Variants in KITLG observed in about 807,000 individuals in gnomAD.
The protein encoded by KITLG is c-Kit ligand.
KITLG carries 13 observed loss-of-function variants against 34.1 expected under a neutral mutation model. That is an observed-to-expected ratio of 0.38 (90% CI 0.25 to 0.61). The LOEUF is 0.61. KITLG is among the 20% of genes least tolerant of loss of function. The pLI is 0.60. For synonymous variants in KITLG, 110 were observed against 104.0 expected, an observed-to-expected ratio of 1.06 and a Z score of -0.35; for missense variants, 292 against 318.9, an observed-to-expected ratio of 0.92 and a Z score of 0.64.
chr12:88,569,834 G>C (rs544575597), intron 1 of KITLG, among the ~76,000 whole-genome samples: 1 of 152,228 alleles, frequency 6.6e-6, no homozygotes, highest in African/African-American at 2.4e-5. Context: ...CTGCTGATAA[G>C]GTTGTGCTGA....
intron 2 of KITLG, among the ~76,000 whole-genome samples, chr12:88,536,175 A>C (rs566810744): frequency 6.6e-6 from 1 of 152,302 alleles, no homozygotes; most frequent in African/African-American, 2.4e-5. Context: ...TAATATCCAG[A>C]ATCTATAAGG....
intron 6 of KITLG, among the ~76,000 whole-genome samples, chr12:88,510,406 T>C (rs1020985175): frequency 1.3e-5 from 2 of 152,192 alleles, no homozygotes; most frequent in Admixed American, 1.3e-4. Context: ...AGCACATGTG[T>C]ACTAACTCAC....
chr12:88,515,563 G>C lies in KITLG; in HGVS notation c.575C>G (p.Ser192Cys), dbSNP rs773557347. ...PFMLPPVAAS[S>C]LRNDSSSSNR... ...ACTGCTACTGCTGTCATTCCTAAGGGAGCTGGCTGCAACAGGGGGTAACAT... is the reference window on the plus strand; with the variant it reads ...ACTGCTACTGCTGTCATTCCTAAGGCAGCTGGCTGCAACAGGGGGTAACAT... The change falls in exon 6 of 10, where the codon TCC becomes TGC. Residue 192 changes from serine (S) to cysteine (C), a missense_variant. By Grantham distance (112) the Ser-to-Cys change is moderately radical (BLOSUM62 -1). Around this residue, in one of 2 missense-constraint regions of KITLG, gnomAD observed 140 missense variants for 111.0 expected, o/e 1.26. Coordinates refer to ENST00000644744, the MANE Select transcript of KITLG (RefSeq NM_000899.5). The C allele has an allele frequency of 6.2e-7, 1 of 1,610,862 alleles. No homozygotes were observed. Among genetic ancestry groups the C allele is most frequent in the South Asian group, 1.1e-5 (1 of 91,030 alleles).
In KITLG at chr12:88,518,917, C is replaced by A. The variant is rs760456274; in HGVS notation, c.193-50G>T. 21 of 1,525,462 alleles carry A rather than the reference C, an allele frequency of 1.4e-5. No homozygotes were observed. The South Asian group carries it at 2.4e-4, about 17-fold the overall frequency. The allele number at this position is 1,525,462 out of a possible 1,614,324, so 94.5% of individuals were successfully genotyped here. ...AAACAGCTATTTTAATAAGTAAGTGCCATAAAACTCGGAGTACTCTTCAAA... is the reference window on the plus strand; with the variant it reads ...AAACAGCTATTTTAATAAGTAAGTGACATAAAACTCGGAGTACTCTTCAAA... On this transcript the variant is annotated intron_variant, in intron 3 of 9. Transcript: ENST00000644744.
chr12:88,576,611 T>C (rs1871833668), intron 1 of KITLG, among the ~76,000 whole-genome samples: 1 of 152,124 alleles, frequency 6.6e-6, no homozygotes, highest in East Asian at 1.9e-4. Context: ...TCCCAAAAAG[T>C]TTAACAAATA....
rs34509476 is a variant in KITLG, at chr12:88,505,935, C to T, written c.782+376G>A. 2.2e-3 allele frequency among the ~76,000 whole-genome samples: 337 copies of T among 152,222 alleles called. 3 individuals carry two copies. Among genetic ancestry groups the T allele is most frequent in the African/African-American group, 7.5e-3 (310 of 41,532 alleles). ...ACTGAAAGAACTAAGCTTAGGAAGA[C>T]GCTCCAAGAGCTGAATCAGTATGTT... On this transcript the variant is annotated intron_variant, in intron 8 of 9. Coordinates refer to ENST00000644744, the MANE Select transcript of KITLG (RefSeq NM_000899.5).
rs73439006 is a variant in KITLG, at chr12:88,503,415, T to C, written c.*37+1744A>G. Among the ~76,000 whole-genome samples the C allele has an allele frequency of 7.9e-3, 1,202 of 152,090 alleles. 26 individuals are homozygous for C. Among genetic ancestry groups the C allele is most frequent in the African/African-American group, 0.027 (1,126 of 41,466 alleles). ...AGGAATCCACCACAGACTATCTAGG[T>C]AATAAAGAGGAGAGTAAATAATCCT... is the stretch of plus-strand genomic sequence containing the variant. On this transcript the variant is annotated intron_variant, in intron 9 of 9. Transcript: ENST00000644744.
At chr12:88,504,523 C>T (rs964410307) in intron 9 of KITLG, among the ~76,000 whole-genome samples, 2 of 152,154 alleles carry the variant, frequency 1.3e-5, no homozygotes, top group Non-Finnish European at 2.9e-5. Context: ...TGCTCATCAT[C>T]ACTGGCCATC....
intron 1 of KITLG, among the ~76,000 whole-genome samples, chr12:88,548,040 C>T (rs528636094): frequency 5.3e-5 from 8 of 152,284 alleles, no homozygotes; most frequent in African/African-American, 1.7e-4. Context: ...ATCATAATGT[C>T]TACTCTGCCT....
chr12:88,552,177 T>A (rs1342119722), intron 1 of KITLG, among the ~76,000 whole-genome samples: 3 of 126,410 alleles, frequency 2.4e-5, no homozygotes, highest in Admixed American at 7.7e-5. Context: ...ATTATGATAA[T>A]TTTTTTTTTT....
At chr12:88,507,678 A>T (rs970077511) in intron 6 of KITLG, among the ~76,000 whole-genome samples, 6 of 152,180 alleles carry the variant, frequency 3.9e-5, no homozygotes, top group Non-Finnish European at 8.8e-5. Context: ...TCATATCTTC[A>T]ACACACATTT....
chr12:88,520,346 G>A (rs115465338), intron 3 of KITLG, among the ~76,000 whole-genome samples: 1 of 152,254 alleles, frequency 6.6e-6, no homozygotes, highest in African/African-American at 2.4e-5. Flanking sequence ...TTTCCTTTTA[G>A]GGAGTGATAA....
intron 5 of KITLG, 32 bp from the exon 6 acceptor site, chr12:88,515,649 T>C (rs1366494034): frequency 6.7e-7 from 1 of 1,497,236 alleles, no homozygotes; most frequent in Non-Finnish European, 9.3e-7. Context: ...GTCAGTGTTA[T>C]ATGGTGATTT....
intron 1 of KITLG, among the ~76,000 whole-genome samples, chr12:88,559,532 T>A (rs924405147): frequency 6.6e-6 from 1 of 152,178 alleles, no homozygotes; most frequent in African/African-American, 2.4e-5. Flanking sequence ...CACTTCAATA[T>A]ACTCTTTGAA....
intron 1 of KITLG, among the ~76,000 whole-genome samples, chr12:88,579,038 T>C (rs1297088097): frequency 6.6e-6 from 1 of 152,300 alleles, no homozygotes; most frequent in East Asian, 1.9e-4. Flanking sequence ...CTAGAGACTA[T>C]GCAAGCCTCT....
At chr12:88,542,852 C>T (rs1342325997) in intron 2 of KITLG, among the ~76,000 whole-genome samples, 1 of 152,068 alleles carries the variant, frequency 6.6e-6, no homozygotes, top group African/African-American at 2.4e-5. Context: ...AAGTAGTGAC[C>T]TACTTTAAAC....
intron 1 of KITLG, among the ~76,000 whole-genome samples, chr12:88,556,885 A>C (rs764491025): frequency 6.6e-6 from 1 of 152,218 alleles, no homozygotes. Flanking sequence ...AAGCACTAAA[A>C]GATGTCAATA....
chr12:88,556,541 G>A (rs546111165), intron 1 of KITLG, among the ~76,000 whole-genome samples: 4 of 152,270 alleles, frequency 2.6e-5, no homozygotes, highest in African/African-American at 4.8e-5. Flanking sequence ...GAAGTAGAAC[G>A]GAAGATCTTG....
intron 1 of KITLG, among the ~76,000 whole-genome samples, chr12:88,550,754 G>A (rs1024753561): frequency 1.3e-5 from 2 of 152,158 alleles, no homozygotes; most frequent in Non-Finnish European, 2.9e-5. Flanking sequence ...TGTGAGAACT[G>A]TGATGCGATA....
Sources: gnomAD v4.1 joint callset for allele counts (sites outside exome capture counted in the v4.1 genomes callset) on GRCh38, gnomAD v4.1.1 for gene constraint, gnomAD v4.1.1 regional missense constraint, MANE v1.5 for transcripts, NCBI Gene and HGNC (gene_info 2026-07-23, HGNC 2026-07-21) for gene names.